FEZ2: variants seen among roughly 807,000 people sequenced by gnomAD.
The protein encoded by FEZ2 is fasciculation and elongation protein zeta-2.
FEZ2 carries 51 observed loss-of-function variants against 40.4 expected under a neutral mutation model. The ratio of observed to expected loss-of-function variants is 1.26; its 90% CI spans 1.01 to 1.59. FEZ2 has a LOEUF of 1.59. FEZ2 is among the 40% of genes most tolerant of loss of function. The pLI, the probability that FEZ2 is intolerant of heterozygous loss-of-function variation, is 0.00. For missense variants in FEZ2, 640 were observed against 438.3 expected (o/e 1.46, Z -4.11); for synonymous variants, 242 against 172.0 (o/e 1.41, Z -3.18).
chr2:36,579,094 T>C (rs1668661727), intron 4 of FEZ2: 1 of 454,986 alleles, frequency 2.2e-6, no homozygotes, highest in Admixed American at 4.0e-5. Context: ...ACTTCTCAGC[T>C]TGCTGGCAAG....
intron 4 of FEZ2, 131 bp from the exon 5 acceptor site, chr2:36,578,996 A>C (rs1433298629): frequency 2.7e-6 from 2 of 735,116 alleles, no homozygotes; most frequent in Non-Finnish European, 4.5e-6. Context: ...TCATATTCCA[A>C]GCAATTAAAT....
intron 4 of FEZ2, among the ~76,000 whole-genome samples, chr2:36,580,067 C>A (rs762871049): frequency 8.0e-4 from 122 of 152,196 alleles, no homozygotes; most frequent in African/African-American, 2.9e-3. Flanking sequence ...AAAAACCAAA[C>A]CTGCCAACAC....
intron 5 of FEZ2, among the ~76,000 whole-genome samples, chr2:36,576,004 C>A (rs1668559001): frequency 2.6e-5 from 4 of 151,972 alleles, no homozygotes. Context: ...ATTGGAAAAA[C>A]AGGTAACATA....
At chr2:36,583,318 T>C (rs1481358225) in intron 3 of FEZ2, 35 bp downstream of exon 3, 1 of 1,064,954 alleles carries the variant, frequency 9.4e-7, no homozygotes, top group Non-Finnish European at 1.4e-6. Flanking sequence ...CTCTAGAGTC[T>C]CCTTTCCTTG....
intron 6 of FEZ2, chr2:36,556,128 C>A: frequency 2.3e-6 from 1 of 442,682 alleles, no homozygotes; most frequent in Non-Finnish European, 4.6e-6. Context: ...GCAAGAAAAC[C>A]TCAGTGCTGC....
At chr2:36,554,353 A>AAAATAGCT in intron 7 of FEZ2, 1 of 470,378 alleles carries the variant, frequency 2.1e-6, no homozygotes, top group Non-Finnish European at 4.4e-6. Context: ...GTTAAATGCT[A>AAAATAGCT]AAATAGCTAG....
chr2:36,597,850 C>T, intron 1 of FEZ2, 27 bp downstream of exon 1: 1 of 1,329,076 alleles, frequency 7.5e-7, no homozygotes, highest in Non-Finnish European at 9.6e-7. Context: ...GGCTCCCGCC[C>T]ACTCCCGGCC....
chr2:36,565,735 C>T (rs191743133), intron 5 of FEZ2, among the ~76,000 whole-genome samples: 230 of 152,264 alleles, frequency 1.5e-3, no homozygotes, highest in African/African-American at 5.1e-3. Context: ...AATTATCACA[C>T]CCTGTACCTA....
At chr2:36,566,601 C>T (rs944863526) in intron 5 of FEZ2, among the ~76,000 whole-genome samples, 2 of 152,172 alleles carry the variant, frequency 1.3e-5, no homozygotes, top group Non-Finnish European at 2.9e-5. Flanking sequence ...AACGCTACAG[C>T]GATCATTACC....
chr2:36,562,568 G>A (rs929574798), intron 5 of FEZ2, among the ~76,000 whole-genome samples: 1 of 152,206 alleles, frequency 6.6e-6, no homozygotes, highest in African/African-American at 2.4e-5. Flanking sequence ...AGAATCAAAT[G>A]TCTAGTCAAG....
chr2:36,579,055 C>G (rs1219446468), intron 4 of FEZ2, 190 bp from the exon 5 acceptor site: 14 of 579,214 alleles, frequency 2.4e-5, no homozygotes, highest in Non-Finnish European at 4.2e-5. Context: ...GAGATCAGAT[C>G]TGAGTAGAGG....
At chr2:36,567,431 TG>T (rs1313586774) in intron 5 of FEZ2, among the ~76,000 whole-genome samples, 1 of 152,168 alleles carries the variant, frequency 6.6e-6, no homozygotes, top group Non-Finnish European at 1.5e-5. Flanking sequence ...CTTGTTGGCG[TG>T]GTTTATAAAA....
intron 1 of FEZ2, chr2:36,591,456 A>G (rs561906336): frequency 6.5e-6 from 1 of 153,418 alleles, no homozygotes; most frequent in Non-Finnish European, 1.5e-5. Context: ...TGTGCATTAC[A>G]CTTATTTTTC....
chr2:36,593,249 A>G (rs887414481), intron 1 of FEZ2, among the ~76,000 whole-genome samples: 1 of 152,096 alleles, frequency 6.6e-6, no homozygotes, highest in Admixed American at 6.5e-5. Context: ...AGAGAAAAGG[A>G]GGAAGATGCA....
At position 36,558,501 on chromosome 2, in the gene FEZ2, C is replaced by T. The variant is rs757808767; in HGVS notation, c.916G>A (p.Val306Ile). The change falls in exon 6 of 8, where the codon GTC becomes ATC. Residue 306 changes from valine to isoleucine, a missense_variant. Coordinates refer to ENST00000405912, the MANE Select transcript of FEZ2 (RefSeq NM_005102.3). ...CCGTTTTTTTTCTCATAAGGAATGA[C>T]TGTAGTCAAATACTGCCAAGTTTAA... is the stretch of plus-strand genomic sequence containing the variant. The part of the protein sequence containing the change: ...SHMPGTYLTT[V>I]IPYEKKNGPP... The T allele has an allele frequency of 6.6e-7, 1 of 1,511,502 alleles. No individual in the cohort carries two copies. Among genetic ancestry groups the T allele is most frequent in the Non-Finnish European group, 8.9e-7 (1 of 1,125,218 alleles). 93.6% of individuals were successfully genotyped at this position (1,511,502 alleles called of 1,614,324 possible). A position where few individuals can be genotyped will look rare whatever the true frequency, so the allele number is the denominator to read the frequency against.
intron 5 of FEZ2, among the ~76,000 whole-genome samples, chr2:36,572,932 A>G (rs1157752205): frequency 6.6e-6 from 1 of 152,118 alleles, no homozygotes; most frequent in Non-Finnish European, 1.5e-5. Context: ...TCCTTCAGCA[A>G]TTCTCTCCCT....
chr2:36,583,537 TA>T (rs1573024573), intron 2 of FEZ2, 68 bp from the exon 3 acceptor site: 1 of 817,742 alleles, frequency 1.2e-6, no homozygotes, highest in Non-Finnish European at 2.1e-6. Flanking sequence ...CAGCTCTGAG[TA>T]AAAGAGGCTG....
Position 36,553,049 on chromosome 2 carries a change from AC to A in FEZ2, c.*113del. On this transcript the variant is annotated 3_prime_UTR_variant, in exon 8 of 8. Transcript: ENST00000405912. ...TCAAGATCTGTTAATACTGAATCAA[AC>A]CCAAGTTCAAATGTGCTGAGTTTCC... is the stretch of plus-strand genomic sequence containing the variant. 1.2e-6 allele frequency: 1 copy of A among 832,314 alleles called. No individual in the cohort carries two copies. 51.6% of individuals were successfully genotyped at this position (832,314 alleles called of 1,614,324 possible).
intron 5 of FEZ2, among the ~76,000 whole-genome samples, chr2:36,577,568 A>G (rs1668611432): frequency 6.6e-6 from 1 of 152,238 alleles, no homozygotes; most frequent in African/African-American, 2.4e-5. Context: ...TGTCCTTTCA[A>G]AATAGATACA....
Sources: gnomAD v4.1 joint callset for allele counts (sites outside exome capture counted in the v4.1 genomes callset) on GRCh38, gnomAD v4.1.1 for gene constraint, MANE v1.5 for transcripts, NCBI Gene and HGNC (gene_info 2026-07-23, HGNC 2026-07-21) for gene names.